The following NHSL1 variants were observed in gnomAD, a reference collection of about 807,000 sequenced individuals.
NHSL1 encodes the protein NHS like 1, also known as NHS-like protein 1.
In NHSL1, 48 loss-of-function variants were observed where a neutral mutation model predicts 95.0. That is an observed-to-expected ratio of 0.51 (90% CI 0.40 to 0.64). The LOEUF (loss-of-function observed/expected upper bound fraction) is 0.64, where lower values mean the gene tolerates loss of function less well. Among genes scored for constraint, NHSL1 ranks in the 30% least tolerant of loss-of-function variants. The probability of loss-of-function intolerance (pLI) is 0.00; values close to 1 mark genes in which losing one functional copy is unlikely to be tolerated. For synonymous variants in NHSL1, 783 were observed against 833.9 expected, an observed-to-expected ratio of 0.94 and a Z score of 1.05; for missense variants, 1,971 against 2,077.7, an observed-to-expected ratio of 0.95 and a Z score of 1.00.
intron 1 of NHSL1, among the ~76,000 whole-genome samples, chr6:138,656,467 A>C (rs1785158107): frequency 6.6e-6 from 1 of 152,178 alleles, no homozygotes; most frequent in Non-Finnish European, 1.5e-5. Context: ...ATTATGCATG[A>C]GTACAGTCAG....
At chr6:138,438,142 A>G (rs1159990105) in intron 5 of NHSL1, among the ~76,000 whole-genome samples, 13 of 152,208 alleles carry the variant, frequency 8.5e-5, no homozygotes. Context: ...ATCTTTCAAG[A>G]AAGGAAGGAT....
At chr6:138,453,709 G>A (rs201037207) in intron 3 of NHSL1, among the ~76,000 whole-genome samples, 1 of 152,054 alleles carries the variant, frequency 6.6e-6, no homozygotes, top group East Asian at 1.9e-4. Context: ...ACCATGCCCA[G>A]CTAATTTTTG....
At chr6:138,426,749 C>G (rs149286076) in intron 7 of NHSL1, among the ~76,000 whole-genome samples, 1 of 152,178 alleles carries the variant, frequency 6.6e-6, no homozygotes, top group Non-Finnish European at 1.5e-5. Flanking sequence ...GGTAAGGACC[C>G]AATACAGGGT....
At chr6:138,595,392 A>C (rs1386488315) in intron 1 of NHSL1, among the ~76,000 whole-genome samples, 1 of 152,058 alleles carries the variant, frequency 6.6e-6, no homozygotes, top group East Asian at 1.9e-4. Flanking sequence ...TGGGCAACAT[A>C]ACGAGATCTT....
rs1449519856 is a variant in NHSL1, at chr6:138,431,045, T to C, written c.3300A>G (p.Gln1100=). The change falls in exon 6 of 8, where the codon CAA becomes CAG. Residue 1100 remains glutamine (Q), a synonymous_variant. Transcript: ENST00000343505. The surrounding 1 kb of genome is among the most constrained non-coding windows in gnomAD (Gnocchi z 4.0). ...AQLSERTAQE[Q]RTPVAPQYHL... ...GGTACTGTGGAGCAACTGGAGTTCG[T>C]TGTTCCTGAGCTGTTCGTTCAGACA... The C allele has an allele frequency of 1.3e-6, 2 of 1,552,046 alleles. No individual in the cohort carries two copies. Among genetic ancestry groups the C allele is most frequent in the Non-Finnish European group, 1.7e-6 (2 of 1,147,118 alleles).
intron 1 of NHSL1, among the ~76,000 whole-genome samples, chr6:138,526,673 C>T (rs1165426297): frequency 1.3e-5 from 2 of 152,086 alleles, no homozygotes; most frequent in Non-Finnish European, 2.9e-5. Flanking sequence ...TTATACTTTA[C>T]CTCGAGTTGC....
chr6:138,458,302 A>G (rs1040121549), intron 3 of NHSL1, among the ~76,000 whole-genome samples: 1 of 152,222 alleles, frequency 6.6e-6, no homozygotes, highest in African/African-American at 2.4e-5. Flanking sequence ...GGGTCAAGTC[A>G]GTTCTTCCTT....
intron 1 of NHSL1, chr6:138,651,123 A>C: frequency 3.0e-6 from 1 of 337,104 alleles, no homozygotes; most frequent in Middle Eastern, 1.1e-3. Flanking sequence ...ACTTAATGTA[A>C]TATCTAATAT....
At chr6:138,478,889 AACATTT>A (rs1779251025) in intron 2 of NHSL1, among the ~76,000 whole-genome samples, 3 of 152,282 alleles carry the variant, frequency 2.0e-5, no homozygotes, top group Admixed American at 1.3e-4. Context: ...ACGAGGGACA[AACATTT>A]CTTGGTAGAC....
intron 5 of NHSL1, among the ~76,000 whole-genome samples, chr6:138,437,737 A>T (rs1583166296): frequency 6.6e-6 from 1 of 152,318 alleles, no homozygotes; most frequent in Admixed American, 6.5e-5. Flanking sequence ...TATCAACATT[A>T]GTAAGAGTCT....
At chr6:138,510,627 T>C (rs1781176664) in intron 1 of NHSL1, among the ~76,000 whole-genome samples, 1 of 152,198 alleles carries the variant, frequency 6.6e-6, no homozygotes, top group Admixed American at 6.5e-5. Flanking sequence ...TGACCTAAGA[T>C]GATATTTGAA....
intron 2 of NHSL1, among the ~76,000 whole-genome samples, chr6:138,492,992 A>AT (rs58499992): frequency 0.52 from 78,303 of 151,754 alleles, 20,502 homozygotes; most frequent in Middle Eastern, 0.61. Context: ...TCAGAGACTG[A>AT]TTTTTTTTAA....
intron 1 of NHSL1, among the ~76,000 whole-genome samples, chr6:138,510,972 C>A (rs1781194148): frequency 6.6e-6 from 1 of 152,114 alleles, no homozygotes; most frequent in Non-Finnish European, 1.5e-5. Flanking sequence ...GAGGGCAATA[C>A]AATTGGGCAC....
intron 3 of NHSL1, among the ~76,000 whole-genome samples, chr6:138,450,653 C>G (rs556320042): frequency 6.6e-6 from 1 of 152,352 alleles, no homozygotes; most frequent in African/African-American, 2.4e-5. Context: ...ATCACTCCAG[C>G]ATGACAACTG....
chr6:138,510,153 CTGTGAACTTGTGT>C (rs1781152646), intron 1 of NHSL1, among the ~76,000 whole-genome samples: 1 of 152,176 alleles, frequency 6.6e-6, no homozygotes, highest in South Asian at 2.1e-4. Flanking sequence ...GAAACAATCG[CTGTGAACTTGTGT>C]TCTGAAGATT....
At chr6:138,668,917 C>T (rs1044570809) in intron 1 of NHSL1, among the ~76,000 whole-genome samples, 5 of 152,042 alleles carry the variant, frequency 3.3e-5, no homozygotes, top group Admixed American at 6.6e-5. Flanking sequence ...CCACCGTACC[C>T]GGCCCTAGAA....
chr6:138,577,288 C>T (rs1185627680), upstream of NHSL1, among the ~76,000 whole-genome samples: 1 of 152,214 alleles, frequency 6.6e-6, no homozygotes, highest in African/African-American at 2.4e-5. Flanking sequence ...GTGTAAAATG[C>T]CAGCCAAAAA....
At chr6:138,457,386 C>A (rs1777686229) in intron 3 of NHSL1, among the ~76,000 whole-genome samples, 1 of 151,956 alleles carries the variant, frequency 6.6e-6, no homozygotes, top group Non-Finnish European at 1.5e-5. Flanking sequence ...CACATAGAGT[C>A]CTACTTGGTG....
exon 1 of NHSL1, chr6:138,572,446 A>G (rs1185003127): frequency 6.5e-6 from 1 of 153,172 alleles, no homozygotes; most frequent in African/African-American, 2.4e-5. Context: ...CCACACGGTT[A>G]CTTGGGAGAA....
Sources: gnomAD v4.1 joint callset for allele counts (sites outside exome capture counted in the v4.1 genomes callset) on GRCh38, gnomAD v4.1.1 for gene constraint, Gnocchi (gnomAD v3.1) non-coding constraint, MANE v1.5 for transcripts, NCBI Gene and HGNC (gene_info 2026-07-23, HGNC 2026-07-21) for gene names.